The following TRERF1 variants were observed in gnomAD, a reference collection of about 807,000 sequenced individuals.
TRERF1 encodes transcriptional-regulating factor 1.
TRERF1 carries 27 observed loss-of-function variants against 122.9 expected under a neutral mutation model. The ratio of observed to expected loss-of-function variants is 0.22; its 90% confidence interval spans 0.16 to 0.30. The LOEUF (loss-of-function observed/expected upper bound fraction) is 0.30, where lower values mean the gene tolerates loss of function less well. TRERF1 is among the 10% of genes least tolerant of loss of function. The pLI, the probability that TRERF1 is intolerant of heterozygous loss-of-function variation, is 1.00. For synonymous variants in TRERF1, 636 were observed against 641.7 expected, an observed-to-expected ratio of 0.99 and a Z score of 0.13; for missense variants, 1,248 against 1,560.3, an observed-to-expected ratio of 0.80 and a Z score of 3.37.
rs146501479 is a variant in TRERF1, at chr6:42,361,617, G to A, written c.-371+1380C>T. ...GTTGCTCCTACCATCCCTCACAGCC[G>A]GCACATCTACGTAGCTGACCTCACA... On this transcript the variant is annotated intron_variant, in intron 3 of 17. Transcript: ENST00000372922. 5.3e-5 allele frequency among the ~76,000 whole-genome samples: 8 copies of A among 152,160 alleles called. No homozygotes were observed. In the East Asian group the frequency reaches 5.8e-4, roughly 11 times the overall value.
At chr6:42,390,664 G>T (rs1004448179) in intron 2 of TRERF1, among the ~76,000 whole-genome samples, 5 of 152,178 alleles carry the variant, frequency 3.3e-5, no homozygotes, top group Non-Finnish European at 7.3e-5. Flanking sequence ...ACGAAAGACA[G>T]AAATCACAAC....
At chr6:42,360,999 C>G (rs922366915) in intron 3 of TRERF1, among the ~76,000 whole-genome samples, 10 of 152,040 alleles carry the variant, frequency 6.6e-5, no homozygotes, top group African/African-American at 2.4e-4. Context: ...AAATGGGAAA[C>G]GAGCTTCTAT....
intron 2 of TRERF1, among the ~76,000 whole-genome samples, chr6:42,371,105 G>A (rs1170815609): frequency 1.3e-5 from 2 of 152,302 alleles, no homozygotes; most frequent in African/African-American, 4.8e-5. Context: ...TGTTTTACAA[G>A]GCAGTGAAGA....
chr6:42,342,765 C>T (rs1207578851), intron 3 of TRERF1, among the ~76,000 whole-genome samples: 1 of 152,178 alleles, frequency 6.6e-6, no homozygotes. Flanking sequence ...AAAACTCTTT[C>T]CTTGAAGTTA....
intron 15 of TRERF1, among the ~76,000 whole-genome samples, chr6:42,241,682 G>A (rs947309298): frequency 2.0e-5 from 3 of 152,026 alleles, no homozygotes; most frequent in East Asian, 1.9e-4. Flanking sequence ...GGCTGGTCTC[G>A]AACTCCTGAC....
intron 2 of TRERF1, among the ~76,000 whole-genome samples, chr6:42,378,590 C>CA (rs1775326303): frequency 6.6e-6 from 1 of 152,132 alleles, no homozygotes; most frequent in Non-Finnish European, 1.5e-5. Context: ...ACCTTGGGAA[C>CA]AACCTAGATC....
At chr6:42,246,585 C>T (rs747341498) in intron 13 of TRERF1, 41 bp from the exon 14 acceptor site, 2 of 1,444,370 alleles carry the variant, frequency 1.4e-6, no homozygotes, top group African/African-American at 1.4e-5. Flanking sequence ...GCTCACAGTT[C>T]CCCCTGCTTT....
chr6:42,365,229 G>C (rs1014898515), intron 2 of TRERF1, among the ~76,000 whole-genome samples: 7 of 152,102 alleles, frequency 4.6e-5, no homozygotes, highest in Non-Finnish European at 1.0e-4. Flanking sequence ...TCTCACCCTA[G>C]TCCACACCCT....
rs138145173 is a variant in TRERF1 at position 42,418,138 on chromosome 6, A to C, written c.-454+33039T>G. On this transcript the variant is annotated intron_variant, in intron 2 of 17. Coordinates refer to ENST00000372922, the Ensembl canonical transcript of TRERF1. ...TGTTAAAACTGCAGATTCTGATTAC[A>C]CAACTGTGGATGGGACCAGAGGTTG... 2.6e-4 allele frequency among the ~76,000 whole-genome samples: 39 copies of C among 150,902 alleles called. No homozygotes were observed. In the East Asian group the frequency reaches 3.9e-3, roughly 15 times the overall value.
rs545134361 is a variant in TRERF1 at position 42,348,893 on chromosome 6, G to A, written c.-371+14104C>T. On this transcript the variant is annotated intron_variant, in intron 3 of 17. Transcript: ENST00000372922. ...GGAAGGCAGGATACAGTGAAAAGAA[G>A]TGGAAGACTCACGAGATAGTGAGTC... 8.5e-5 allele frequency among the ~76,000 whole-genome samples: 13 copies of A among 152,310 alleles called. No homozygotes were observed. The South Asian group carries it at 2.7e-3, about 32-fold the overall frequency.
chr6:42,349,504 C>A (rs1449114854), intron 3 of TRERF1, among the ~76,000 whole-genome samples: 1 of 152,070 alleles, frequency 6.6e-6, no homozygotes, highest in Non-Finnish European at 1.5e-5. Context: ...TAACTCCTCA[C>A]GAAACCTGTG....
chr6:42,338,356 G>A (rs924759323), intron 3 of TRERF1, among the ~76,000 whole-genome samples: 4 of 152,166 alleles, frequency 2.6e-5, no homozygotes, highest in East Asian at 1.9e-4. Context: ...GAGAAGAAAA[G>A]GAGACCTGGG....
chr6:42,290,525 G>C (rs976737346), intron 4 of TRERF1, among the ~76,000 whole-genome samples: 2 of 151,948 alleles, frequency 1.3e-5, no homozygotes, highest in Non-Finnish European at 2.9e-5. Context: ...ATCTCCTTCT[G>C]ATCAACCCTG....
intron 2 of TRERF1, among the ~76,000 whole-genome samples, chr6:42,447,745 C>G (rs936900462): frequency 4.6e-5 from 7 of 152,140 alleles, no homozygotes; most frequent in Non-Finnish European, 8.8e-5. Context: ...CGCTCTGTCA[C>G]CCAGGCTGGA....
intron 17 of TRERF1, among the ~76,000 whole-genome samples, chr6:42,230,569 C>T (rs999293638): frequency 4.6e-5 from 7 of 152,006 alleles, no homozygotes; most frequent in African/African-American, 1.2e-4. Flanking sequence ...GACAAATAAG[C>T]GGGAGATCAC....
chr6:42,440,938 G>A (rs897652239), intron 2 of TRERF1, among the ~76,000 whole-genome samples: 6 of 152,066 alleles, frequency 3.9e-5, no homozygotes, highest in African/African-American at 1.2e-4. Context: ...CTCCACGTGC[G>A]CTAAGCTCTG....
intron 13 of TRERF1, among the ~76,000 whole-genome samples, chr6:42,250,371 TCTC>T (rs1775523862): frequency 6.6e-6 from 1 of 152,122 alleles, no homozygotes; most frequent in African/African-American, 2.4e-5. Context: ...TCCATAGTCT[TCTC>T]CTTCCTGCCT....
chr6:42,259,686 G>T lies in TRERF1; in HGVS notation c.1922C>A (p.Ala641Asp). 1 of 1,606,588 alleles carries T rather than the reference G, an allele frequency of 6.2e-7. No homozygotes were observed. The change falls in exon 9 of 18, where the codon GCC becomes GAC. Residue 641 changes from alanine (A) to aspartate (D), a missense_variant. Coordinates refer to ENST00000372922, the Ensembl canonical transcript of TRERF1. This position sits in a 1 kb window ranked among gnomAD's most constrained non-coding sequence, Gnocchi z 4.9. Reference sequence around the variant, plus strand: ...CTGCACGGTCTTGAGGGGCTCCTCGGCTTTGGGCACACTCGGCTGATGCTT... The same window carrying T: ...CTGCACGGTCTTGAGGGGCTCCTCGTCTTTGGGCACACTCGGCTGATGCTT...
intron 2 of TRERF1, among the ~76,000 whole-genome samples, chr6:42,372,445 C>G (rs1455592260): frequency 6.6e-6 from 1 of 152,136 alleles, no homozygotes; most frequent in Non-Finnish European, 1.5e-5. Flanking sequence ...CAATGGCTTC[C>G]CCCCACAGGA....
Sources: allele counts gnomAD v4.1 joint callset (sites outside exome capture counted in the v4.1 genomes callset), GRCh38; gene constraint gnomAD v4.1.1; non-coding constraint Gnocchi (gnomAD v3.1); transcripts MANE v1.5; gene names NCBI Gene and HGNC (gene_info 2026-07-23, HGNC 2026-07-21).